RPS6KB1: variants seen among roughly 807,000 people sequenced by gnomAD.
RPS6KB1 encodes the protein ribosomal protein S6 kinase beta-1.
RPS6KB1 carries 12 observed loss-of-function variants against 70.2 expected under a neutral mutation model. The ratio of observed to expected loss-of-function variants is 0.17; its 90% CI spans 0.11 to 0.28. RPS6KB1 has a LOEUF of 0.28. Among genes scored for constraint, RPS6KB1 ranks in the 10% least tolerant of loss-of-function variants. The pLI, the probability that RPS6KB1 is intolerant of heterozygous loss-of-function variation, is 1.00. For synonymous variants in RPS6KB1, 175 were observed against 211.2 expected, an observed-to-expected ratio of 0.83 and a Z score of 1.49; for missense variants, 270 against 646.6, an observed-to-expected ratio of 0.42 and a Z score of 6.32.
chr17:59,905,567 C>T lies in RPS6KB1; in HGVS notation c.142-4995C>T, dbSNP rs144932975. ...TTGCCCAGGCTGGAGGGCAATGACA[C>T]GCTCTCAGCTCACTGCAGCCTCCGC... On this transcript the variant is annotated intron_variant, in intron 1 of 14. Coordinates refer to ENST00000225577, the MANE Select transcript of RPS6KB1 (RefSeq NM_003161.4). Among the ~76,000 whole-genome samples, 765 of 150,318 alleles carry T rather than the reference C, an allele frequency of 5.1e-3. 8 individuals carry two copies. The highest frequency in any genetic ancestry group is 0.018 in the African/African-American group (726 of 40,864).
chr17:59,925,334 G>A (rs1568459453), intron 4 of RPS6KB1, among the ~76,000 whole-genome samples: 1 of 152,112 alleles, frequency 6.6e-6, no homozygotes, highest in Non-Finnish European at 1.5e-5. Flanking sequence ...TACCTGGCAT[G>A]TCTAAAACAG....
chr17:59,938,188 G>GT (rs1345118764), intron 12 of RPS6KB1, among the ~76,000 whole-genome samples: 1 of 142,886 alleles, frequency 7.0e-6, no homozygotes, highest in East Asian at 2.0e-4. Context: ...TTTTTTTGGG[G>GT]GGGGGATAGG....
intron 1 of RPS6KB1, among the ~76,000 whole-genome samples, chr17:59,909,375 C>A (rs1402605000): frequency 2.0e-5 from 3 of 150,052 alleles, no homozygotes; most frequent in Non-Finnish European, 4.4e-5. Flanking sequence ...TCAAGCAATT[C>A]TCCTGCCTCA....
chr17:59,910,954 ACAAACAGAAATTCATACAGTCATT>A lies in RPS6KB1; in HGVS notation c.191+359_191+382del, dbSNP rs375006704. Among the ~76,000 whole-genome samples the A allele has an allele frequency of 7.8e-3, 1,194 of 152,306 alleles. 19 individuals are homozygous for A. Among genetic ancestry groups the A allele is most frequent in the African/African-American group, 0.027 (1,130 of 41,564 alleles). The stretch of plus-strand genomic sequence containing the variant: ...AATGCTTTCTGTTTTGCTTAAATAT[ACAAACAGAAATTCATACAGTCATT>A]CAAACAGAAATTCATGCAATCCGGC... On this transcript the variant is annotated intron_variant, in intron 2 of 14. Coordinates refer to ENST00000225577, the MANE Select transcript of RPS6KB1 (RefSeq NM_003161.4).
At chr17:59,902,651 G>T (rs1004092847) in intron 1 of RPS6KB1, among the ~76,000 whole-genome samples, 1 of 149,448 alleles carries the variant, frequency 6.7e-6, no homozygotes, top group Non-Finnish European at 1.5e-5. Flanking sequence ...GAAAAAGCTC[G>T]CTGCAGCTTC....
intron 1 of RPS6KB1, among the ~76,000 whole-genome samples, chr17:59,895,424 C>T (rs1172608717): frequency 5.4e-5 from 8 of 148,740 alleles, no homozygotes; most frequent in Admixed American, 4.8e-4. Flanking sequence ...CAGGTTCAAG[C>T]GATTCTCCTA....
intron 5 of RPS6KB1, among the ~76,000 whole-genome samples, chr17:59,927,507 CTTT>C (rs749733289): frequency 1.4e-5 from 2 of 142,468 alleles, no homozygotes; most frequent in Admixed American, 7.1e-5. Flanking sequence ...ATTGGAAAAA[CTTT>C]TTTTTTTTTT....
intron 7 of RPS6KB1, among the ~76,000 whole-genome samples, chr17:59,933,814 CTG>C (rs1244045610): frequency 6.6e-6 from 1 of 152,172 alleles, no homozygotes; most frequent in East Asian, 1.9e-4. Context: ...TTATTGGGGT[CTG>C]TGTACGTAAA....
intron 5 of RPS6KB1, among the ~76,000 whole-genome samples, chr17:59,927,380 G>A (rs1246805382): frequency 6.6e-6 from 1 of 151,994 alleles, no homozygotes. Flanking sequence ...CACTGCACCC[G>A]GCCACAAGTA....
intron 13 of RPS6KB1, among the ~76,000 whole-genome samples, chr17:59,944,759 A>G (rs191727621): frequency 3.4e-4 from 50 of 148,866 alleles, no homozygotes; most frequent in Admixed American, 1.6e-3. Context: ...AAACACTAGA[A>G]GTTTCTTTAC....
chr17:59,894,130 G>GA (rs975211728), intron 1 of RPS6KB1, among the ~76,000 whole-genome samples: 58 of 152,034 alleles, frequency 3.8e-4, no homozygotes, highest in African/African-American at 1.3e-3. Context: ...TAAGTTGCCT[G>GA]AACAGAGACT....
intron 5 of RPS6KB1, among the ~76,000 whole-genome samples, chr17:59,929,165 CTG>C (rs1419957534): frequency 6.7e-6 from 1 of 150,352 alleles, no homozygotes; most frequent in Non-Finnish European, 1.5e-5. Context: ...GAATCTCACT[CTG>C]TTGCCCGGGC....
rs1042158464 is a variant in RPS6KB1 at position 59,893,555 on chromosome 17, C to T, written c.141+230C>T. Among the ~76,000 whole-genome samples, 16 of 152,162 alleles carry T rather than the reference C, an allele frequency of 1.1e-4. No homozygotes were observed. Among genetic ancestry groups the T allele is most frequent in the Non-Finnish European group, 2.2e-4 (15 of 68,010 alleles). On this transcript the variant is annotated intron_variant, in intron 1 of 14. Coordinates refer to ENST00000225577, the MANE Select transcript of RPS6KB1 (RefSeq NM_003161.4). The surrounding 1 kb of genome is among the most constrained non-coding windows in gnomAD (Gnocchi z 4.1). Reference sequence around the variant, plus strand: ...CCTTAGCCCCAGGTCAGCGCAGCCCCGAGCGATCTGAAGAGGGAAAGAGAA... The same window carrying T: ...CCTTAGCCCCAGGTCAGCGCAGCCCTGAGCGATCTGAAGAGGGAAAGAGAA...
At chr17:59,904,379 C>A (rs533506117) in intron 1 of RPS6KB1, among the ~76,000 whole-genome samples, 1 of 150,378 alleles carries the variant, frequency 6.6e-6, no homozygotes, top group Non-Finnish European at 1.5e-5. Flanking sequence ...GCGCACAGCC[C>A]GGAGTAATTC....
chr17:59,905,890 A>G (rs904421148), intron 1 of RPS6KB1, among the ~76,000 whole-genome samples: 1 of 151,782 alleles, frequency 6.6e-6, no homozygotes, highest in Non-Finnish European at 1.5e-5. Context: ...TCCCAGGCTT[A>G]GGTGATCATC....
Position 59,897,480 on chromosome 17 carries a change from TATC to T in RPS6KB1, c.141+4158_141+4160del, listed in dbSNP as rs1056115179. The stretch of plus-strand genomic sequence containing the variant: ...AGGTGCTGTATTTTTACAACTGTAG[TATC>T]ATAGTGTGTATTTTTTTTTAAAACT... On this transcript the variant is annotated intron_variant, in intron 1 of 14. Transcript: ENST00000225577. Among the ~76,000 whole-genome samples, 25 of 152,272 alleles carry T rather than the reference TATC, an allele frequency of 1.6e-4. No homozygotes were observed. The East Asian group carries it at 3.5e-3, about 21-fold the overall frequency.
At chr17:59,895,391 G>A (rs1489469579) in intron 1 of RPS6KB1, among the ~76,000 whole-genome samples, 15 of 129,280 alleles carry the variant, frequency 1.2e-4, no homozygotes, top group Non-Finnish European at 1.9e-4. Context: ...GTGCGATCTC[G>A]GCTCACTGCA....
chr17:59,907,223 TTGATCTCC>T (rs908438249), intron 1 of RPS6KB1: 8 of 151,884 alleles, frequency 5.3e-5, no homozygotes, highest in African/African-American at 1.9e-4. Flanking sequence ...CAGGATGGTC[TTGATCTCC>T]TGACCTCGTG....
chr17:59,918,216 G>A (rs2043068321), intron 4 of RPS6KB1, among the ~76,000 whole-genome samples: 1 of 152,200 alleles, frequency 6.6e-6, no homozygotes, highest in Admixed American at 6.5e-5. Context: ...ACAGGCGTAA[G>A]CCACTGTGCC....
Sources: gnomAD v4.1 joint callset for allele counts (sites outside exome capture counted in the v4.1 genomes callset) on GRCh38, gnomAD v4.1.1 for gene constraint, Gnocchi (gnomAD v3.1) non-coding constraint, MANE v1.5 for transcripts, NCBI Gene and HGNC (gene_info 2026-07-23, HGNC 2026-07-21) for gene names.